PALM2AKAP2: variants seen among roughly 807,000 people sequenced by gnomAD.
The protein encoded by PALM2AKAP2 is PALM2-AKAP2 fusion protein.
In PALM2AKAP2, 37 loss-of-function variants were observed where a neutral mutation model predicts 71.5. The ratio of observed to expected loss-of-function variants is 0.52; its 90% CI spans 0.40 to 0.68. PALM2AKAP2 has a LOEUF of 0.68. PALM2AKAP2 is among the 30% of genes least tolerant of loss of function. PALM2AKAP2 has a pLI of 0.00. For missense variants in PALM2AKAP2, 1,224 were observed against 1,191.8 expected (o/e 1.03, Z -0.40); for synonymous variants, 468 against 478.8 (o/e 0.98, Z 0.29).
intron 1 of PALM2AKAP2, among the ~76,000 whole-genome samples, chr9:109,860,299 T>C (rs1025510353): frequency 6.6e-6 from 1 of 152,344 alleles, no homozygotes; most frequent in South Asian, 2.1e-4. Flanking sequence ...TCTGCAGTAG[T>C]GTTAGAAAGG....
At chr9:109,991,156 T>G (rs1832473746) in intron 6 of PALM2AKAP2, among the ~76,000 whole-genome samples, 2 of 152,182 alleles carry the variant, frequency 1.3e-5, no homozygotes, top group South Asian at 4.1e-4. Flanking sequence ...GTGCTACCTA[T>G]TGACAGCATT....
At chr9:109,781,097 G>A (rs936345680) in intron 1 of PALM2AKAP2, among the ~76,000 whole-genome samples, 4 of 152,166 alleles carry the variant, frequency 2.6e-5, no homozygotes, top group Admixed American at 1.3e-4. Flanking sequence ...ATACAACTGG[G>A]TCCTGGTTAT....
intron 7 of PALM2AKAP2, among the ~76,000 whole-genome samples, chr9:110,017,070 G>A (rs372472581): frequency 1.1e-4 from 16 of 152,072 alleles, no homozygotes; most frequent in African/African-American, 2.4e-4. Context: ...TAGTAGAGAC[G>A]GGGTTTCACC....
chr9:110,100,057 A>C (rs1834957249), intron 1 of PALM2AKAP2, among the ~76,000 whole-genome samples: 1 of 126,338 alleles, frequency 7.9e-6, no homozygotes, highest in African/African-American at 3.5e-5. Flanking sequence ...GTGTCTATAT[A>C]TATATATATA....
intron 3 of PALM2AKAP2, among the ~76,000 whole-genome samples, chr9:109,917,378 G>C (rs1291849485): frequency 6.6e-6 from 1 of 151,906 alleles, no homozygotes; most frequent in Admixed American, 6.6e-5. Context: ...GTTTGTTGTA[G>C]TTGTTATAGC....
Position 110,059,106 on chromosome 9 carries a change from G to A in PALM2AKAP2, c.156+10251G>A, listed in dbSNP as rs531841405. ...GTAGAGACAGGGTTTCACCATGTTT[G>A]CCAGGCTGGTCTCAAACTCCTGACC... On this transcript the variant is annotated intron_variant, in intron 1 of 3. Coordinates refer to ENST00000374525, the Ensembl canonical transcript of PALM2AKAP2. Among the ~76,000 whole-genome samples, 11 of 152,162 alleles carry A rather than the reference G, an allele frequency of 7.2e-5. No individual in the cohort carries two copies. The South Asian group carries it at 1.5e-3, about 20-fold the overall frequency.
At chr9:109,690,063 C>T (rs772950487) in intron 1 of PALM2AKAP2, among the ~76,000 whole-genome samples, 1 of 151,336 alleles carries the variant, frequency 6.6e-6, no homozygotes, top group South Asian at 2.1e-4. Context: ...CTGTGCTTAT[C>T]CATGGAGTGG....
At chr9:109,702,919 A>G (rs1219063744) in intron 1 of PALM2AKAP2, among the ~76,000 whole-genome samples, 2 of 151,846 alleles carry the variant, frequency 1.3e-5, no homozygotes, top group African/African-American at 4.8e-5. Flanking sequence ...CCCAGGTTCA[A>G]GCGATTTTCC....
intron 1 of PALM2AKAP2, among the ~76,000 whole-genome samples, chr9:109,747,891 G>C (rs1828827722): frequency 1.3e-5 from 2 of 152,122 alleles, no homozygotes; most frequent in Non-Finnish European, 2.9e-5. Flanking sequence ...GGCTGGTCTT[G>C]AACTCCTGAG....
intron 1 of PALM2AKAP2, among the ~76,000 whole-genome samples, chr9:110,120,768 G>A (rs1835468717): frequency 6.6e-6 from 1 of 152,234 alleles, no homozygotes; most frequent in African/African-American, 2.4e-5. Flanking sequence ...GCCTCCCAAA[G>A]TGCCGGGATT....
intron 1 of PALM2AKAP2, among the ~76,000 whole-genome samples, chr9:109,650,438 AT>A (rs1379518108): frequency 2.0e-5 from 3 of 151,970 alleles, no homozygotes; most frequent in African/African-American, 7.2e-5. Context: ...TTTTTTAGAG[AT>A]GAAGACTTGC....
intron 1 of PALM2AKAP2, among the ~76,000 whole-genome samples, chr9:109,772,727 A>G (rs114850462): frequency 0.014 from 2,201 of 152,312 alleles, 64 homozygotes; most frequent in African/African-American, 0.05. Context: ...TGGCTTGATC[A>G]TCTTAGAAAC....
At chr9:109,900,763 T>C (rs1269129011) in intron 3 of PALM2AKAP2, among the ~76,000 whole-genome samples, 1 of 152,226 alleles carries the variant, frequency 6.6e-6, no homozygotes, top group Non-Finnish European at 1.5e-5. Flanking sequence ...CTGACGTTTC[T>C]ATTGTACTTG....
At chr9:109,867,525 A>G in exon 2 of PALM2AKAP2, 1 of 1,613,010 alleles carries the variant, frequency 6.2e-7, no homozygotes, top group Non-Finnish European at 8.5e-7. Context: ...ATAGAAGGCA[A>G]GCGACAACAG....
At chr9:110,069,426 A>G (rs1045834409) in intron 1 of PALM2AKAP2, among the ~76,000 whole-genome samples, 4 of 152,238 alleles carry the variant, frequency 2.6e-5, no homozygotes, top group African/African-American at 7.2e-5. Context: ...GAAGAGAAAT[A>G]TCCTTTGATC....
chr9:109,827,223 C>G (rs772622844), intron 1 of PALM2AKAP2, among the ~76,000 whole-genome samples: 2 of 152,126 alleles, frequency 1.3e-5, no homozygotes, highest in African/African-American at 2.4e-5. Context: ...ATAGGATGCT[C>G]AAAGTAGACA....
chr9:110,021,007 G>A (rs981117098), intron 7 of PALM2AKAP2, among the ~76,000 whole-genome samples: 1 of 152,038 alleles, frequency 6.6e-6, no homozygotes, highest in Non-Finnish European at 1.5e-5. Flanking sequence ...TCCGGAGGCT[G>A]AAGCACGAGA....
At chr9:109,866,449 A>G (rs1430988350) in intron 1 of PALM2AKAP2, among the ~76,000 whole-genome samples, 1 of 152,192 alleles carries the variant, frequency 6.6e-6, no homozygotes, top group Non-Finnish European at 1.5e-5. Flanking sequence ...CTATCATGAG[A>G]GCAGACCTTT....
intron 3 of PALM2AKAP2, among the ~76,000 whole-genome samples, chr9:109,913,896 A>C (rs938127272): frequency 6.6e-6 from 1 of 151,254 alleles, no homozygotes; most frequent in African/African-American, 2.4e-5. Context: ...TGCTGGGACT[A>C]CAGGCGCCCG....
Sources: allele counts gnomAD v4.1 joint callset (sites outside exome capture counted in the v4.1 genomes callset), GRCh38; gene constraint gnomAD v4.1.1; transcripts MANE v1.5; gene names NCBI Gene and HGNC (gene_info 2026-07-23, HGNC 2026-07-21).